Variants in TAFA1 observed in about 807,000 individuals in gnomAD.
TAFA1 encodes the protein TAFA chemokine like family member 1.
TAFA1 carries 4 observed loss-of-function variants against 18.5 expected under a neutral mutation model. The observed-to-expected ratio is 0.22, with a 90% CI of 0.11 to 0.49. The LOEUF is 0.49. Among genes scored for constraint, TAFA1 ranks in the 20% least tolerant of loss-of-function variants. The probability of loss-of-function intolerance (pLI) is 0.98; values close to 1 mark genes in which losing one functional copy is unlikely to be tolerated. For missense variants in TAFA1, 147 were observed against 169.0 expected (o/e 0.87, Z 0.72); for synonymous variants, 56 against 55.2 (o/e 1.01, Z -0.06).
At chr3:68,122,608 A>G (rs964438183) in intron 2 of TAFA1, among the ~76,000 whole-genome samples, 2 of 152,230 alleles carry the variant, frequency 1.3e-5, no homozygotes, top group Admixed American at 6.5e-5. Flanking sequence ...ATGAAATTCA[A>G]TGTCAAGATA....
At chr3:68,139,641 T>C (rs769880799) in intron 2 of TAFA1, among the ~76,000 whole-genome samples, 14 of 152,192 alleles carry the variant, frequency 9.2e-5, no homozygotes, top group Non-Finnish European at 2.1e-4. Flanking sequence ...TCAGCAATTT[T>C]TTCGTGACTT....
At chr3:68,371,883 G>C (rs1200551199) in intron 2 of TAFA1, among the ~76,000 whole-genome samples, 1 of 152,208 alleles carries the variant, frequency 6.6e-6, no homozygotes, top group Non-Finnish European at 1.5e-5. Flanking sequence ...GTCAGTACCA[G>C]CTAATTGCTC....
At chr3:68,284,228 G>T (rs1024899486) in intron 2 of TAFA1, among the ~76,000 whole-genome samples, 13 of 152,132 alleles carry the variant, frequency 8.5e-5, no homozygotes, top group African/African-American at 3.1e-4. Flanking sequence ...ATGTTTCAAT[G>T]CTTCTGAAAG....
chr3:68,252,807 A>G (rs1426400250), intron 2 of TAFA1, among the ~76,000 whole-genome samples: 2 of 152,204 alleles, frequency 1.3e-5, no homozygotes, highest in African/African-American at 4.8e-5. Flanking sequence ...TTTGAATTGT[A>G]GCTCCCATAA....
At chr3:68,457,676 C>T (rs1439564155) in intron 3 of TAFA1, among the ~76,000 whole-genome samples, 1 of 152,122 alleles carries the variant, frequency 6.6e-6, no homozygotes, top group Non-Finnish European at 1.5e-5. Context: ...ACTCTCTTAG[C>T]AATTTTCAAA....
intron 2 of TAFA1, among the ~76,000 whole-genome samples, chr3:68,178,088 G>A (rs1023022588): frequency 2.6e-5 from 4 of 152,024 alleles, no homozygotes. Flanking sequence ...AGCTTGCAGT[G>A]AGCCAAGATG....
At chr3:68,347,378 T>G (rs1374397658) in intron 2 of TAFA1, among the ~76,000 whole-genome samples, 1 of 152,180 alleles carries the variant, frequency 6.6e-6, no homozygotes, top group East Asian at 1.9e-4. Context: ...TAAATTCTGT[T>G]ATTGTTTGCA....
At chr3:68,478,941 T>C (rs13070900) in intron 3 of TAFA1, among the ~76,000 whole-genome samples, 4 of 148,636 alleles carry the variant, frequency 2.7e-5, no homozygotes. Flanking sequence ...TACATAAAAA[T>C]ATATATCTGT....
intron 3 of TAFA1, among the ~76,000 whole-genome samples, chr3:68,451,995 T>G (rs2071573330): frequency 6.6e-6 from 1 of 152,042 alleles, no homozygotes; most frequent in African/African-American, 2.4e-5. Context: ...GGAATCTGGA[T>G]GGATTTCTGA....
At chr3:68,291,705 C>A (rs1039072394) in intron 2 of TAFA1, among the ~76,000 whole-genome samples, 1 of 151,262 alleles carries the variant, frequency 6.6e-6, no homozygotes, top group Admixed American at 6.6e-5. Flanking sequence ...AAAAAAAAAT[C>A]TGGATCATGT....
intron 2 of TAFA1, among the ~76,000 whole-genome samples, chr3:68,211,758 G>C (rs945751827): frequency 1.3e-5 from 2 of 152,064 alleles, no homozygotes; most frequent in Non-Finnish European, 2.9e-5. Context: ...GATCCATAAA[G>C]AGAGGTGAGG....
At chr3:68,281,433 T>A (rs2067895238) in intron 2 of TAFA1, among the ~76,000 whole-genome samples, 1 of 151,896 alleles carries the variant, frequency 6.6e-6, no homozygotes, top group Non-Finnish European at 1.5e-5. Flanking sequence ...TTTAAGATAG[T>A]TTGATTTTGC....
chr3:68,410,750 A>C (rs940917244), intron 2 of TAFA1, among the ~76,000 whole-genome samples: 8 of 129,312 alleles, frequency 6.2e-5, no homozygotes, highest in African/African-American at 2.0e-4. Context: ...TGCATTTTCT[A>C]AGGAAGCACC....
intron 2 of TAFA1, among the ~76,000 whole-genome samples, chr3:68,038,676 A>T (rs1387506986): frequency 2.0e-5 from 3 of 152,230 alleles, no homozygotes; most frequent in African/African-American, 7.2e-5. Context: ...GTTAAAAAAA[A>T]AAAACTTTAA....
chr3:68,137,940 C>G (rs967453791), intron 2 of TAFA1, among the ~76,000 whole-genome samples: 1 of 151,752 alleles, frequency 6.6e-6, no homozygotes, highest in Non-Finnish European at 1.5e-5. Context: ...GCCAAATATC[C>G]CAATTCTTTG....
intron 3 of TAFA1, among the ~76,000 whole-genome samples, chr3:68,485,528 A>G (rs1354641053): frequency 1.3e-5 from 2 of 152,182 alleles, no homozygotes; most frequent in East Asian, 3.9e-4. Context: ...AAGTTTACTC[A>G]CCGTATTTAC....
At chr3:68,156,524 G>C (rs1381287208) in intron 2 of TAFA1, among the ~76,000 whole-genome samples, 2 of 152,148 alleles carry the variant, frequency 1.3e-5, no homozygotes, top group Non-Finnish European at 2.9e-5. Flanking sequence ...AACAGATACT[G>C]TGGCTGCTGT....
At chr3:68,493,929 A>G (rs1164066687) in intron 3 of TAFA1, among the ~76,000 whole-genome samples, 1 of 152,142 alleles carries the variant, frequency 6.6e-6, no homozygotes. Flanking sequence ...GGAGCTTCCA[A>G]TTCAGAATCT....
chr3:68,427,395 C>G (rs2071076518), intron 3 of TAFA1, among the ~76,000 whole-genome samples: 1 of 151,734 alleles, frequency 6.6e-6, no homozygotes, highest in Non-Finnish European at 1.5e-5. Flanking sequence ...ACATGAATAA[C>G]TAGCAAATCT....
Sources: gnomAD v4.1 joint callset for allele counts (sites outside exome capture counted in the v4.1 genomes callset) on GRCh38, gnomAD v4.1.1 for gene constraint, MANE v1.5 for transcripts, NCBI Gene and HGNC (gene_info 2026-07-23, HGNC 2026-07-21) for gene names.